The following SYNE1 variants were observed in gnomAD, a reference collection of about 807,000 sequenced individuals.
The protein encoded by SYNE1 is spectrin repeat containing nuclear envelope protein 1.
A neutral mutation model predicts 1,111.0 loss-of-function variants in SYNE1; 616 were observed. The ratio of observed to expected loss-of-function variants is 0.55; its 90% CI spans 0.52 to 0.59. The LOEUF (loss-of-function observed/expected upper bound fraction) is 0.59. Among genes scored for constraint, SYNE1 ranks in the 20% least tolerant of loss-of-function variants. The pLI is 0.00. For synonymous variants in SYNE1, 3,855 were observed against 3,825.8 expected, an observed-to-expected ratio of 1.01 and a Z score of -0.28; for missense variants, 10,006 against 10,417.0, an observed-to-expected ratio of 0.96 and a Z score of 1.72.
chr6:152,125,250 C>T (rs919407853), intron 145 of SYNE1: 7 of 1,549,156 alleles, frequency 4.5e-6, no homozygotes, highest in South Asian at 3.6e-5. Context: ...TAATTCAGGT[C>T]GTATTCATTT....
In SYNE1 at chr6:152,391,588, AAAAAAAG is replaced by A. The variant is rs769243176; in HGVS notation, c.7713-27_7713-21del. 24 of 1,558,152 alleles carry A rather than the reference AAAAAAAG, an allele frequency of 1.5e-5. No homozygotes were observed. Among genetic ancestry groups the A allele is most frequent in the African/African-American group, 1.0e-4 (7 of 68,802 alleles). ...GACTCTCTGAAAAAAAGGAAAAAAAAAAAAAAGAAAAAAAATTAATTCTGACATCCTG... is the reference window on the plus strand; with the variant it reads ...GACTCTCTGAAAAAAAGGAAAAAAAAAAAAAAAATTAATTCTGACATCCTG... On this transcript the variant is annotated intron_variant, in intron 51 of 145. Coordinates refer to ENST00000367255, the MANE Select transcript of SYNE1 (RefSeq NM_182961.4).
intron 35 of SYNE1, 85 bp downstream of exon 35, chr6:152,430,397 C>A: frequency 7.8e-7 from 1 of 1,289,648 alleles, no homozygotes. Context: ...TTCTCTTATT[C>A]CACTATTTGT....
intron 91 of SYNE1, among the ~76,000 whole-genome samples, chr6:152,306,186 T>A (rs6914583): frequency 0.67 from 100,993 of 151,718 alleles, 34,070 homozygotes; most frequent in East Asian, 0.85. Flanking sequence ...AAGATGATTT[T>A]AAAAAAATCC....
At chr6:152,561,443 A>G (rs2099395015) in intron 3 of SYNE1, among the ~76,000 whole-genome samples, 1 of 152,178 alleles carries the variant, frequency 6.6e-6, no homozygotes, top group African/African-American at 2.4e-5. Context: ...AAATACATGG[A>G]AAGATATTTC....
intron 98 of SYNE1, among the ~76,000 whole-genome samples, chr6:152,275,291 A>T (rs1263799583): frequency 6.6e-6 from 1 of 152,202 alleles, no homozygotes; most frequent in Non-Finnish European, 1.5e-5. Flanking sequence ...TTAAAAAAAA[A>T]AAATCATACA....
intron 66 of SYNE1, among the ~76,000 whole-genome samples, chr6:152,357,189 C>T (rs189655080): frequency 1.6e-4 from 25 of 152,270 alleles, no homozygotes; most frequent in African/African-American, 5.8e-4. Context: ...ATCCTTACAA[C>T]TCTGTGGATG....
chr6:152,532,651 C>T (rs995469840), intron 4 of SYNE1, among the ~76,000 whole-genome samples: 2 of 152,128 alleles, frequency 1.3e-5, no homozygotes, highest in African/African-American at 2.4e-5. Context: ...AGGGAGGTCT[C>T]AAGGCAAGGG....
In SYNE1 at chr6:152,177,572, C is replaced by T. The variant is rs143792449; in HGVS notation, c.23461-1012G>A. On this transcript the variant is annotated intron_variant, in intron 129 of 145. Transcript: ENST00000367255. ...GTCATTTACCTAAGCCAAAGGGCCCCAGGGGAATGGTAGGGACCAACAAAA... is the reference window on the plus strand; with the variant it reads ...GTCATTTACCTAAGCCAAAGGGCCCTAGGGGAATGGTAGGGACCAACAAAA... Among the ~76,000 whole-genome samples the T allele has an allele frequency of 5.7e-3, 867 of 152,288 alleles. 3 individuals carry two copies. Among genetic ancestry groups the T allele is most frequent in the Admixed American group, 0.012 (177 of 15,298 alleles).
intron 4 of SYNE1, among the ~76,000 whole-genome samples, chr6:152,535,243 G>T (rs1308026492): frequency 1.3e-5 from 2 of 152,214 alleles, no homozygotes; most frequent in East Asian, 3.9e-4. Flanking sequence ...AGAACTCTGA[G>T]ATAACAAATT....
chr6:152,247,750 T>TATATATATATACACAC (rs1432898834), intron 105 of SYNE1, among the ~76,000 whole-genome samples: 3 of 112,376 alleles, frequency 2.7e-5, no homozygotes, highest in African/African-American at 1.1e-4. Flanking sequence ...TATATATATA[T>TATATATATATACACAC]ACACACACAC....
chr6:152,277,040 A>G (rs1404685875), intron 98 of SYNE1, among the ~76,000 whole-genome samples: 1 of 151,314 alleles, frequency 6.6e-6, no homozygotes, highest in Non-Finnish European at 1.5e-5. Context: ...ACAGGCGCCC[A>G]CCACTATGCC....
At chr6:152,347,782 G>A (rs1320366171) in intron 72 of SYNE1, among the ~76,000 whole-genome samples, 1 of 150,122 alleles carries the variant, frequency 6.7e-6, no homozygotes, top group African/African-American at 2.5e-5. Context: ...CCAGGTTCTA[G>A]CAATTCTCCT....
At position 152,225,833 on chromosome 6, in the gene SYNE1, T is replaced by G; in HGVS notation, c.21239A>C (p.Lys7080Thr). 1 of 1,613,984 alleles carries G rather than the reference T, an allele frequency of 6.2e-7. No individual in the cohort carries two copies. Among genetic ancestry groups the G allele is most frequent in the African/African-American group, 1.3e-5 (1 of 75,046 alleles). The change falls in exon 116 of 146, where the codon AAA becomes ACA. Residue 7080 changes from lysine to threonine, a missense_variant. Around this residue, in one of 7 missense-constraint regions of SYNE1, gnomAD observed 2,182 missense variants for 2,287.8 expected, o/e 0.95. Coordinates refer to ENST00000367255, the MANE Select transcript of SYNE1 (RefSeq NM_182961.4). ...CAAAGCAAGTCCATTCTGCTCAATT[T>G]TCTCTACTTCTTTTTCTTTTGCTTT... Reference protein sequence around the residue: ...LIKAKEKEVEKIEQNGLALIQ... With the variant: ...LIKAKEKEVETIEQNGLALIQ...
chr6:152,552,030 C>T (rs1417881386), intron 3 of SYNE1, among the ~76,000 whole-genome samples: 2 of 152,148 alleles, frequency 1.3e-5, no homozygotes, highest in Non-Finnish European at 2.9e-5. Flanking sequence ...TGAAAAATGT[C>T]CTGAAATACT....
rs1234017341 is a variant in SYNE1, at chr6:152,369,991, A to G, written c.9508-377T>C. The stretch of plus-strand genomic sequence containing the variant: ...GAGGGTGACTCTGTCTCAAAAAAAA[A>G]AAAAAAAAAAAAAAAAATTCCACAA... On this transcript the variant is annotated intron_variant, in intron 59 of 145. Coordinates refer to ENST00000367255, the MANE Select transcript of SYNE1 (RefSeq NM_182961.4). Among the ~76,000 whole-genome samples the G allele has an allele frequency of 4.0e-5, 6 of 150,844 alleles. 1 individual carries two copies. The East Asian group carries it at 1.2e-3, about 29-fold the overall frequency.
intron 3 of SYNE1, among the ~76,000 whole-genome samples, chr6:152,567,867 A>G (rs1249726204): frequency 1.3e-5 from 2 of 152,234 alleles, no homozygotes; most frequent in African/African-American, 4.8e-5. Flanking sequence ...TAAAAGGTGC[A>G]TTAATTAAAG....
intron 137 of SYNE1, chr6:152,145,087 ACTT>A (rs2059235486): frequency 6.6e-6 from 2 of 300,976 alleles, no homozygotes; most frequent in South Asian, 6.4e-5. Context: ...AGGCTGGCGG[ACTT>A]GGGACCAGAG....
In SYNE1 at chr6:152,409,191, C is replaced by T. The variant is rs1297412108; in HGVS notation, c.6417G>A (p.Gln2139=). The part of the protein sequence containing the change: ...ETAKNKMNYK[Q]KDLDNFTSKG... Reference sequence around the variant, plus strand: ...TGCTGGTAAAGTTATCCAAGTCTTTCTGTTTGTAATTCATTTTGTTCTTGG... The same window carrying T: ...TGCTGGTAAAGTTATCCAAGTCTTTTTGTTTGTAATTCATTTTGTTCTTGG... The change falls in exon 44 of 146, where the codon CAG becomes CAA. Residue 2139 remains glutamine, a synonymous_variant. Coordinates refer to ENST00000367255, the MANE Select transcript of SYNE1 (RefSeq NM_182961.4). 1.2e-6 allele frequency: 2 copies of T among 1,613,956 alleles called. No homozygotes were observed. The highest frequency in any genetic ancestry group is 1.3e-5 in the African/African-American group (1 of 74,912).
intron 63 of SYNE1, among the ~76,000 whole-genome samples, chr6:152,363,444 A>G (rs1163398057): frequency 6.6e-6 from 1 of 150,964 alleles, no homozygotes; most frequent in Non-Finnish European, 1.5e-5. Context: ...CAGTGAGCCG[A>G]GATCGTGCCA....
Sources: gnomAD v4.1 joint callset for allele counts (sites outside exome capture counted in the v4.1 genomes callset) on GRCh38, gnomAD v4.1.1 for gene constraint, gnomAD v4.1.1 regional missense constraint, MANE v1.5 for transcripts, NCBI Gene and HGNC (gene_info 2026-07-23, HGNC 2026-07-21) for gene names.